The following TMC3 variants were observed in gnomAD, a reference collection of about 807,000 sequenced individuals.
The protein encoded by TMC3 is transmembrane channel like 3, also known as transmembrane channel-like protein 3.
A neutral mutation model predicts 110.6 loss-of-function variants in TMC3; 98 were observed. The observed-to-expected ratio is 0.89, with a 90% CI of 0.75 to 1.05. The LOEUF (loss-of-function observed/expected upper bound fraction) is 1.05, where lower values mean the gene tolerates loss of function less well. Among genes scored for constraint, TMC3 ranks in the 50% least tolerant of loss-of-function variants. TMC3 has a pLI of 0.00. For synonymous variants in TMC3, 489 were observed against 513.1 expected, an observed-to-expected ratio of 0.95 and a Z score of 0.63; for missense variants, 1,319 against 1,373.2, an observed-to-expected ratio of 0.96 and a Z score of 0.62.
chr15:81,338,913 T>C (rs375915920), intron 17 of TMC3, 133 bp from the exon 18 acceptor site: 2 of 973,676 alleles, frequency 2.1e-6, no homozygotes, highest in Admixed American at 2.1e-5. Flanking sequence ...CTAATTAATA[T>C]GGAGGATGGA....
chr15:81,362,430 T>A lies in TMC3; in HGVS notation c.313-129A>T. 4 of 695,566 alleles carry A rather than the reference T, an allele frequency of 5.8e-6. No individual in the cohort carries two copies. The South Asian group carries it at 6.9e-5, about 12-fold the overall frequency. 43.1% of individuals were successfully genotyped at this position (695,566 alleles called of 1,614,324 possible). A position where few individuals can be genotyped will look rare whatever the true frequency, so the allele number is the denominator to read the frequency against. ...ACCTTTAATTATGATTATGGCTTCA[T>A]AGGCCTTTAAGCTGCACTAGAACCA... is the stretch of plus-strand genomic sequence containing the variant. On this transcript the variant is annotated intron_variant, in intron 3 of 21. Coordinates refer to ENST00000359440, the MANE Select transcript of TMC3 (RefSeq NM_001080532.3).
chr15:81,360,423 A>G (rs1287178183), intron 4 of TMC3, among the ~76,000 whole-genome samples: 1 of 152,192 alleles, frequency 6.6e-6, no homozygotes, highest in East Asian at 1.9e-4. Flanking sequence ...AATTTTCCAT[A>G]ACTTACTTAA....
intron 17 of TMC3, 123 bp downstream of exon 17, chr15:81,339,271 C>T (rs764605039): frequency 1.5e-4 from 112 of 733,508 alleles, no homozygotes; most frequent in South Asian, 2.9e-4. Flanking sequence ...TTAAAACATG[C>T]GGGTTTGCAA....
At chr15:81,371,871 G>A (rs1036394637) in intron 2 of TMC3, among the ~76,000 whole-genome samples, 3 of 152,166 alleles carry the variant, frequency 2.0e-5, no homozygotes, top group Admixed American at 1.3e-4. Flanking sequence ...CTTAGTGGTT[G>A]ACATTTTTGG....
rs1893484178 is a variant in TMC3 at position 81,332,508 on chromosome 15, T to C, written c.3214A>G (p.Arg1072Gly). The part of the protein sequence containing the change: ...QVTHSQGRFP[R>G]SVGQPSRRKA... ...CTCCTGCTGGGCTGGCCCACGGACCTCGGGAACCTGCCCTGGCTGTGGGTG... is the reference window on the plus strand; with the variant it reads ...CTCCTGCTGGGCTGGCCCACGGACCCCGGGAACCTGCCCTGGCTGTGGGTG... Residue 1072 changes from arginine (R) to glycine (G), a missense_variant, in exon 22 of 22, where the codon AGG (arginine) becomes GGG (glycine). Transcript: ENST00000359440. The C allele has an allele frequency of 6.2e-7, 1 of 1,613,596 alleles. No individual in the cohort carries two copies. Among genetic ancestry groups the C allele is most frequent in the East Asian group, 2.2e-5 (1 of 44,866 alleles).
chr15:81,373,661 T>C (rs1894486438), intron 1 of TMC3, among the ~76,000 whole-genome samples: 1 of 152,210 alleles, frequency 6.6e-6, no homozygotes, highest in African/African-American at 2.4e-5. Flanking sequence ...ACATATTATC[T>C]GCTCTCTCTT....
At chr15:81,335,055 T>C in intron 20 of TMC3, 80 bp from the exon 21 acceptor site, 2 of 1,501,050 alleles carry the variant, frequency 1.3e-6, no homozygotes, top group Non-Finnish European at 1.8e-6. Flanking sequence ...GTTGCAAGGG[T>C]TTTATGACAT....
intron 10 of TMC3, among the ~76,000 whole-genome samples, chr15:81,350,527 A>C (rs1893925296): frequency 6.6e-6 from 1 of 152,248 alleles, no homozygotes; most frequent in Admixed American, 6.5e-5. Context: ...TTCAAAAACT[A>C]TTCATATTTC....
intron 2 of TMC3, among the ~76,000 whole-genome samples, chr15:81,369,826 C>T (rs992235899): frequency 2.0e-5 from 3 of 152,014 alleles, no homozygotes; most frequent in African/African-American, 7.3e-5. Flanking sequence ...CTTGGAAGGC[C>T]ATGGTGGGAA....
chr15:81,360,153 C>G (rs1163436371), intron 4 of TMC3, among the ~76,000 whole-genome samples: 1 of 151,336 alleles, frequency 6.6e-6, no homozygotes, highest in Non-Finnish European at 1.5e-5. Flanking sequence ...TTATGTTTGT[C>G]ATAATGAGTA....
chr15:81,351,186 A>T (rs187259247), intron 10 of TMC3, among the ~76,000 whole-genome samples: 99 of 152,306 alleles, frequency 6.5e-4, no homozygotes, highest in African/African-American at 2.3e-3. Context: ...TTCCCAAAGG[A>T]GATGAATAAA....
chr15:81,337,855 C>A lies in TMC3; in HGVS notation c.2151G>T (p.Gln717His), dbSNP rs368093434. 1 of 1,613,796 alleles carries A rather than the reference C, an allele frequency of 6.2e-7. No homozygotes were observed. Residue 717 changes from glutamine to histidine, a missense_variant, in exon 19 of 22, where the codon CAG becomes CAT. By Grantham distance (24) the Gln-to-His change is conservative. Coordinates refer to ENST00000359440, the MANE Select transcript of TMC3 (RefSeq NM_001080532.3). ...TTCATGAAATACTTGCGTTTTGGAT[C>A]TGCATTTTGAGCTGGTGGTTGCTGA... ...LKLSNHQLKM[Q>H]IQNARSEDKK...
intron 9 of TMC3, among the ~76,000 whole-genome samples, chr15:81,353,600 A>G (rs1354691648): frequency 6.6e-6 from 1 of 152,252 alleles, no homozygotes; most frequent in Non-Finnish European, 1.5e-5. Flanking sequence ...ACGGTATTTA[A>G]TACAAGTAGC....
At chr15:81,344,173 T>G in intron 13 of TMC3, 128 bp from the exon 14 acceptor site, 1 of 909,926 alleles carries the variant, frequency 1.1e-6, no homozygotes, top group South Asian at 1.7e-5. Context: ...AATGGCATCT[T>G]CATTTCTCAT....
At chr15:81,343,745 CAAAA>C (rs377587040) in intron 14 of TMC3, among the ~76,000 whole-genome samples, 168 bp downstream of exon 14, 1 of 117,760 alleles carries the variant, frequency 8.5e-6, no homozygotes, top group African/African-American at 3.1e-5. Flanking sequence ...AAAAAACAGA[CAAAA>C]AAAAAAAAAA....
intron 11 of TMC3, among the ~76,000 whole-genome samples, chr15:81,349,229 A>G (rs1169755438): frequency 6.7e-6 from 1 of 148,966 alleles, no homozygotes; most frequent in Non-Finnish European, 1.5e-5. Context: ...CTTTTCTTCT[A>G]CCCTTGTCAT....
chr15:81,356,360 A>G, intron 8 of TMC3, 87 bp downstream of exon 8: 1 of 1,409,280 alleles, frequency 7.1e-7, no homozygotes. Flanking sequence ...TGGGAAGAGG[A>G]TGGTTCTGGC....
chr15:81,338,544 T>G, intron 18 of TMC3, 111 bp downstream of exon 18: 3 of 1,426,670 alleles, frequency 2.1e-6, no homozygotes, highest in Non-Finnish European at 1.9e-6. Context: ...GCTCTAAGCC[T>G]AAGTGATTTT....
chr15:81,362,119 A>T (rs1413925693), intron 4 of TMC3, 101 bp downstream of exon 4: 2 of 1,065,314 alleles, frequency 1.9e-6, no homozygotes, highest in East Asian at 5.5e-5. Context: ...GGGTGCCCTC[A>T]GCTGCACAGC....
Sources: gnomAD v4.1 joint callset for allele counts (sites outside exome capture counted in the v4.1 genomes callset) on GRCh38, gnomAD v4.1.1 for gene constraint, MANE v1.5 for transcripts, NCBI Gene and HGNC (gene_info 2026-07-23, HGNC 2026-07-21) for gene names.